Variants in ZNF724 observed in about 807,000 individuals in gnomAD.
ZNF724 encodes the protein zinc finger protein 724, also known as zinc finger protein 724 pseudogene.
ZNF724 carries 14 observed loss-of-function variants against 29.3 expected under a neutral mutation model. The ratio of observed to expected loss-of-function variants is 0.48; its 90% CI spans 0.32 to 0.75. The LOEUF (loss-of-function observed/expected upper bound fraction) is 0.75. Ranked by LOEUF, ZNF724 falls within the 30% of genes least tolerant of loss-of-function variation. ZNF724 has a pLI of 0.04. For synonymous variants in ZNF724, 180 were observed against 193.6 expected (o/e 0.93, Z 0.58); for missense variants, 557 against 571.2 (o/e 0.98, Z 0.25).
intron 3 of ZNF724, among the ~76,000 whole-genome samples, chr19:23,226,210 C>G (rs942316920): frequency 1.3e-5 from 2 of 152,090 alleles, no homozygotes; most frequent in African/African-American, 4.8e-5. Flanking sequence ...CTCCACCATG[C>G]CAGGCTAGTT....
chr19:23,222,050 CTTTACATTT>C lies in ZNF724; in HGVS notation c.*326_*334del, dbSNP rs1326300706. ...CAGATATTAATGGCTTCTTCACATT[CTTTACATTT>C]GCATAATTTTTCTCAAGTATACATC... On this transcript the variant is annotated 3_prime_UTR_variant, in exon 4 of 4. Coordinates refer to ENST00000418100, the MANE Select transcript of ZNF724 (RefSeq NM_001355404.2). 4.1e-6 allele frequency: 1 copy of C among 246,294 alleles called. No individual in the cohort carries two copies. The highest frequency in any genetic ancestry group is 7.8e-6 in the Non-Finnish European group (1 of 128,882). The allele number at this position is 246,294 out of a possible 1,614,324, so 15.3% of individuals were successfully genotyped here.
intron 1 of ZNF724, chr19:23,236,441 T>C (rs1432550751): frequency 1.3e-5 from 2 of 152,602 alleles, no homozygotes; most frequent in South Asian, 2.1e-4. Flanking sequence ...TCAGTCCGCA[T>C]AGAGATACCT....
intron 3 of ZNF724, among the ~76,000 whole-genome samples, chr19:23,226,443 C>T (rs1308163170): frequency 2.0e-5 from 3 of 152,134 alleles, no homozygotes; most frequent in East Asian, 1.9e-4. Flanking sequence ...CCTGGAATTA[C>T]AGATGTGAGC....
At chr19:23,248,585 T>C (rs1972285950) in intron 1 of ZNF724, among the ~76,000 whole-genome samples, 1 of 151,848 alleles carries the variant, frequency 6.6e-6, no homozygotes, top group South Asian at 2.1e-4. Flanking sequence ...AAATGCATTT[T>C]TTTTTTTTTT....
intron 1 of ZNF724, among the ~76,000 whole-genome samples, chr19:23,234,217 C>A (rs1453098087): frequency 6.6e-6 from 1 of 152,142 alleles, no homozygotes; most frequent in Non-Finnish European, 1.5e-5. Context: ...TGATTCTGGC[C>A]TTACCTTAGA....
intron 3 of ZNF724, among the ~76,000 whole-genome samples, chr19:23,224,397 A>G (rs1218212974): frequency 3.3e-5 from 5 of 152,282 alleles, no homozygotes; most frequent in Non-Finnish European, 7.4e-5. Flanking sequence ...TGGAGAACAG[A>G]GCAAGACTTT....
At position 23,247,274 on chromosome 19, in the gene ZNF724, A is replaced by G. The variant is rs77420248; in HGVS notation, c.3+2966T>C. ...GAAAATTTCTAAACTCACAGTGGGG[A>G]AAAAAAAGTAAATGAGAATTTTTAA... is the stretch of plus-strand genomic sequence containing the variant. On this transcript the variant is annotated intron_variant, in intron 1 of 3. Coordinates refer to ENST00000418100, the MANE Select transcript of ZNF724 (RefSeq NM_001355404.2). Among the ~76,000 whole-genome samples, 1,407 of 152,238 alleles carry G rather than the reference A, an allele frequency of 9.2e-3. 19 individuals carry two copies. The highest frequency in any genetic ancestry group is 0.031 in the African/African-American group (1,287 of 41,534).
intron 1 of ZNF724, among the ~76,000 whole-genome samples, chr19:23,247,077 G>T (rs1264014704): frequency 6.6e-6 from 1 of 152,114 alleles, no homozygotes; most frequent in African/African-American, 2.4e-5. Flanking sequence ...ACAAAAATTA[G>T]CTGGGCATGG....
intron 1 of ZNF724, among the ~76,000 whole-genome samples, chr19:23,240,761 G>C (rs1240771330): frequency 6.7e-6 from 1 of 148,278 alleles, no homozygotes; most frequent in Non-Finnish European, 1.5e-5. Flanking sequence ...GCCAAGCACA[G>C]TGGTTCATGC....
At chr19:23,245,671 T>C (rs1354833459) in intron 1 of ZNF724, among the ~76,000 whole-genome samples, 1 of 152,000 alleles carries the variant, frequency 6.6e-6, no homozygotes, top group Non-Finnish European at 1.5e-5. Context: ...CATTTGCCAT[T>C]CCCCTCCCAC....
Position 23,232,151 on chromosome 19 carries a change from T to C in ZNF724, c.130+16A>G. On this transcript the variant is annotated intron_variant, in intron 2 of 3. Transcript: ENST00000418100. ...TTTAGGGTAGATTAGGAATTGTGTA[T>C]TGAAGTTATTCTCACCCAGGAAGAC... 2 of 1,298,264 alleles carry C rather than the reference T, an allele frequency of 1.5e-6. No individual in the cohort carries two copies. The highest frequency in any genetic ancestry group is 2.2e-6 in the Non-Finnish European group (2 of 895,880). The allele number at this position is 1,298,264 out of a possible 1,614,324, so 80.4% of individuals were successfully genotyped here.
At chr19:23,243,491 A>AT (rs1568345921) in intron 1 of ZNF724, among the ~76,000 whole-genome samples, 1,872 of 150,112 alleles carry the variant, frequency 0.012, 96 homozygotes, top group African/African-American at 0.043. Flanking sequence ...AAAAAAAAAA[A>AT]AAAAAAAAAA....
intron 1 of ZNF724, among the ~76,000 whole-genome samples, chr19:23,245,437 C>T (rs1203572205): frequency 6.6e-6 from 1 of 152,104 alleles, no homozygotes; most frequent in Non-Finnish European, 1.5e-5. Context: ...TATGGGGAAA[C>T]CCCATCTCTA....
intron 3 of ZNF724, among the ~76,000 whole-genome samples, chr19:23,225,298 T>A (rs1971806889): frequency 6.6e-6 from 1 of 152,154 alleles, no homozygotes; most frequent in African/African-American, 2.4e-5. Context: ...TACAATGGAA[T>A]TTTATTCAGC....
chr19:23,250,146 G>C lies in ZNF724; in HGVS notation c.3+94C>G, dbSNP rs1599653590. 9.0e-6 allele frequency: 5 copies of C among 554,874 alleles called. No homozygotes were observed. In the East Asian group the frequency reaches 1.9e-4, roughly 22 times the overall value. 34.4% of individuals were successfully genotyped at this position (554,874 alleles called of 1,614,324 possible). A position where few individuals can be genotyped will look rare whatever the true frequency, so the allele number is the denominator to read the frequency against. On this transcript the variant is annotated intron_variant, in intron 1 of 3. Transcript: ENST00000418100. ...AACTCAGGGCGCAGTTTGTGGAGAT[G>C]ACTGCGGGGAGGCCCGAGTCCGCCA...
At chr19:23,248,823 T>C (rs1332897529) in intron 1 of ZNF724, among the ~76,000 whole-genome samples, 2 of 151,880 alleles carry the variant, frequency 1.3e-5, no homozygotes, top group African/African-American at 2.4e-5. Context: ...ACTGAAACTC[T>C]GTCTCTACTA....
intron 1 of ZNF724, among the ~76,000 whole-genome samples, chr19:23,235,471 G>A (rs1320632964): frequency 6.6e-6 from 1 of 152,032 alleles, no homozygotes; most frequent in African/African-American, 2.4e-5. Flanking sequence ...GCAAGCACTG[G>A]TTTAATAGAA....
At chr19:23,240,717 TAAAAAAAA>T (rs34692737) in intron 1 of ZNF724, among the ~76,000 whole-genome samples, 1 of 108,712 alleles carries the variant, frequency 9.2e-6, no homozygotes, top group Admixed American at 1.0e-4. Context: ...GGATTCCACC[TAAAAAAAA>T]AAAAAAAAAA....
At position 23,223,067 on chromosome 19, in the gene ZNF724, G is replaced by A; in HGVS notation, c.1178C>T (p.Pro393Leu). The part of the protein sequence containing the change: ...QHKRIHTGEK[P>L]YKCEECGKAF... ...TTTGCCACATTCTTCACATTTGTAT[G>A]GTTTTTCTCCAGTATGAATTCTCTT... The change falls in exon 4 of 4, where the codon CCA (proline) becomes CTA (leucine). Residue 393 changes from proline to leucine, a missense_variant. Pro to Leu is a moderately conservative substitution (Grantham distance 98). Coordinates refer to ENST00000418100, the MANE Select transcript of ZNF724 (RefSeq NM_001355404.2). 7.8e-6 allele frequency: 10 copies of A among 1,285,576 alleles called. No individual in the cohort carries two copies. Among genetic ancestry groups the A allele is most frequent in the Non-Finnish European group, 1.1e-5 (10 of 882,000 alleles). The allele number at this position is 1,285,576 out of a possible 1,614,324, so 79.6% of individuals were successfully genotyped here. A position where few individuals can be genotyped will look rare whatever the true frequency, so the allele number is the denominator to read the frequency against.
Sources: allele counts gnomAD v4.1 joint callset (sites outside exome capture counted in the v4.1 genomes callset), GRCh38; gene constraint gnomAD v4.1.1; transcripts MANE v1.5; gene names NCBI Gene and HGNC (gene_info 2026-07-23, HGNC 2026-07-21).